The following NFIB variants were observed in gnomAD, a reference collection of about 807,000 sequenced individuals.
The protein encoded by NFIB is nuclear factor 1 B-type.
Under a neutral mutation model 61.5 loss-of-function variants are expected in NFIB, and 11 were observed. The observed-to-expected ratio is 0.18, with a 90% CI of 0.11 to 0.30. The LOEUF is 0.30. NFIB is among the 10% of genes least tolerant of loss of function. The pLI, the probability that NFIB is intolerant of heterozygous loss-of-function variation, is 1.00. For synonymous variants in NFIB, 260 were observed against 216.5 expected (o/e 1.20, Z -1.76); for missense variants, 471 against 608.9 (o/e 0.77, Z 2.38).
chr9:14,236,059 A>G (rs1395850328), intron 2 of NFIB, among the ~76,000 whole-genome samples: 1 of 152,218 alleles, frequency 6.6e-6, no homozygotes, highest in Non-Finnish European at 1.5e-5. Context: ...ATATTTAAAT[A>G]ATAGCATTGA....
At chr9:14,187,635 C>A (rs1184998835) in intron 2 of NFIB, among the ~76,000 whole-genome samples, 1 of 152,022 alleles carries the variant, frequency 6.6e-6, no homozygotes, top group Non-Finnish European at 1.5e-5. Flanking sequence ...TTTTAAAGAG[C>A]CACTTTTTTG....
chr9:14,282,462 T>G (rs2058434790), intron 2 of NFIB, among the ~76,000 whole-genome samples: 1 of 152,356 alleles, frequency 6.6e-6, no homozygotes, highest in African/African-American at 2.4e-5. Context: ...AAAATAATGT[T>G]ATATTACACA....
rs372923457 is a variant in NFIB at position 14,211,987 on chromosome 9, G to A, written c.563-32207C>T. Among the ~76,000 whole-genome samples, 28 of 152,178 alleles carry A rather than the reference G, an allele frequency of 1.8e-4. No individual in the cohort carries two copies. The East Asian group carries it at 1.9e-3, about 10-fold the overall frequency. Reference sequence around the variant, plus strand: ...GTACCACTGGGTTTTATTGGTAGCTGCAATTTAGCCCATATGAAATGGAAT... The same window carrying A: ...GTACCACTGGGTTTTATTGGTAGCTACAATTTAGCCCATATGAAATGGAAT... On this transcript the variant is annotated intron_variant, in intron 2 of 10. Transcript: ENST00000380953.
At chr9:14,485,154 G>A in the NFIB span, among the ~76,000 whole-genome samples, 13,719 of 152,130 alleles carry the variant, frequency 0.09, 763 homozygotes, top group Non-Finnish European at 0.12. Flanking sequence ...GTCACACTGG[G>A]GATTAGAGCT....
intron 2 of NFIB, among the ~76,000 whole-genome samples, chr9:14,268,291 C>T (rs2057361378): frequency 4.6e-5 from 7 of 152,120 alleles, no homozygotes; most frequent in Non-Finnish European, 1.0e-4. Flanking sequence ...TAAAGGACCA[C>T]CTAAATATAA....
intron 10 of NFIB, among the ~76,000 whole-genome samples, chr9:14,091,805 T>A (rs965281568): frequency 1.3e-5 from 2 of 151,656 alleles, no homozygotes; most frequent in African/African-American, 4.8e-5. Context: ...TGCAAAAAAA[T>A]CAAGCAGAAA....
chr9:14,392,718 C>CA (rs59484635), intron 1 of NFIB, among the ~76,000 whole-genome samples: 1,230 of 122,794 alleles, frequency 0.01, 16 homozygotes, highest in African/African-American at 0.047. Context: ...GACCTTGTCT[C>CA]AAAAAAAAAA....
At chr9:14,202,784 T>C (rs1014222476) in intron 2 of NFIB, among the ~76,000 whole-genome samples, 6 of 152,196 alleles carry the variant, frequency 3.9e-5, no homozygotes, top group African/African-American at 1.4e-4. Flanking sequence ...ATATTTCTTA[T>C]GAAAAAAATC....
chr9:14,210,758 T>C (rs775646051), intron 2 of NFIB, among the ~76,000 whole-genome samples: 5 of 152,104 alleles, frequency 3.3e-5, no homozygotes, highest in Admixed American at 6.5e-5. Flanking sequence ...TTGTTTTGAA[T>C]TTTTACTGGA....
At chr9:14,358,469 G>T (rs781374167) in intron 1 of NFIB, among the ~76,000 whole-genome samples, 7 of 152,190 alleles carry the variant, frequency 4.6e-5, no homozygotes, top group Non-Finnish European at 1.0e-4. Flanking sequence ...TTGCAGGTAC[G>T]TGCATACCCA....
the NFIB span, among the ~76,000 whole-genome samples, chr9:14,481,319 G>C: frequency 2.3e-4 from 34 of 147,624 alleles, no homozygotes; most frequent in African/African-American, 8.3e-4. Context: ...CATGTGCCTA[G>C]AGCAGCAACT....
the NFIB span, among the ~76,000 whole-genome samples, chr9:14,457,253 CTGCAT>C: frequency 6.6e-6 from 1 of 152,200 alleles, no homozygotes; most frequent in Non-Finnish European, 1.5e-5. Context: ...ACACTATTCA[CTGCAT>C]AGCCTTCGCA....
At chr9:14,369,641 C>A (rs970316391) in intron 1 of NFIB, among the ~76,000 whole-genome samples, 4 of 152,190 alleles carry the variant, frequency 2.6e-5, no homozygotes, top group Non-Finnish European at 5.9e-5. Context: ...TTCCATATAT[C>A]TGGCACTCAA....
chr9:14,400,316 T>C (rs1330001494), upstream of NFIB, among the ~76,000 whole-genome samples: 1 of 152,234 alleles, frequency 6.6e-6, no homozygotes, highest in Non-Finnish European at 1.5e-5. Context: ...TCAGAAACGA[T>C]GTTTGCTGAA....
At chr9:14,524,317 A>G in the NFIB span, among the ~76,000 whole-genome samples, 1,181 of 152,266 alleles carry the variant, frequency 7.8e-3, 21 homozygotes, top group African/African-American at 0.027. Flanking sequence ...AAACGTATCA[A>G]ATGTGCTAGG....
intron 2 of NFIB, among the ~76,000 whole-genome samples, chr9:14,189,861 C>T (rs2047756473): frequency 6.6e-6 from 1 of 151,368 alleles, no homozygotes; most frequent in South Asian, 2.1e-4. Flanking sequence ...GTTCATCTTC[C>T]TTAAATTACA....
chr9:14,311,108 T>C (rs1209075595), intron 1 of NFIB, among the ~76,000 whole-genome samples: 1 of 152,166 alleles, frequency 6.6e-6, no homozygotes, highest in Non-Finnish European at 1.5e-5. Context: ...TTATATCTGA[T>C]TTATACTGGT....
rs574243921 is a variant in NFIB at position 14,368,699 on chromosome 9, T to C, written c.108+29825A>G. On this transcript the variant is annotated intron_variant, in intron 1 of 8. Transcript: ENST00000380934. The stretch of plus-strand genomic sequence containing the variant: ...ATGTTAATATGCCATATTATCTCAA[T>C]TTAACTGGCATCTTCTTTGGATGAT... Among the ~76,000 whole-genome samples, 61 of 152,348 alleles carry C rather than the reference T, an allele frequency of 4.0e-4. 1 individual carries two copies. The South Asian group carries it at 0.012, about 30-fold the overall frequency.
chr9:14,420,833 T>G, the NFIB span, among the ~76,000 whole-genome samples: 1 of 152,204 alleles, frequency 6.6e-6, no homozygotes, highest in Non-Finnish European at 1.5e-5. Flanking sequence ...ATCTCGTCAA[T>G]CAGGAGGGAA....
Sources: gnomAD v4.1 joint callset for allele counts (sites outside exome capture counted in the v4.1 genomes callset) on GRCh38, gnomAD v4.1.1 for gene constraint, MANE v1.5 for transcripts, NCBI Gene and HGNC (gene_info 2026-07-23, HGNC 2026-07-21) for gene names.